Variants in SYNPR observed in about 807,000 individuals in gnomAD.
The protein encoded by SYNPR is synaptoporin.
A neutral mutation model predicts 32.9 loss-of-function variants in SYNPR; 23 were observed. The observed-to-expected ratio is 0.70, with a 90% CI of 0.50 to 0.99. SYNPR has a LOEUF of 0.99. SYNPR is among the 50% of genes least tolerant of loss of function. SYNPR has a pLI of 0.00. For missense variants in SYNPR, 318 were observed against 349.3 expected (o/e 0.91, Z 0.71); for synonymous variants, 146 against 135.9 (o/e 1.07, Z -0.52).
chr3:63,266,717 A>AAAAAAAAC (rs1276996606), intron 2 of SYNPR, among the ~76,000 whole-genome samples: 2 of 140,504 alleles, frequency 1.4e-5, no homozygotes, highest in Non-Finnish European at 3.1e-5. Context: ...CAAAAAAAAA[A>AAAAAAAAC]ACACAAAAAA....
the SYNPR span, among the ~76,000 whole-genome samples, chr3:63,222,755 G>T: frequency 6.6e-6 from 1 of 152,144 alleles, no homozygotes; most frequent in East Asian, 1.9e-4. Flanking sequence ...GATCTCAGTT[G>T]ATCCACCTGC....
intron 2 of SYNPR, among the ~76,000 whole-genome samples, chr3:63,436,248 T>A (rs868301149): frequency 3.3e-5 from 5 of 151,988 alleles, no homozygotes; most frequent in Middle Eastern, 3.4e-3. Flanking sequence ...TTGTTACATA[T>A]GTATGCATGT....
At chr3:63,324,107 T>C (rs2087139008) in intron 2 of SYNPR, among the ~76,000 whole-genome samples, 1 of 152,178 alleles carries the variant, frequency 6.6e-6, no homozygotes, top group Non-Finnish European at 1.5e-5. Flanking sequence ...ATTGTAACTG[T>C]CACTTGTGTC....
intron 2 of SYNPR, among the ~76,000 whole-genome samples, chr3:63,334,905 T>G (rs1382337376): frequency 1.3e-5 from 2 of 152,196 alleles, no homozygotes; most frequent in Non-Finnish European, 2.9e-5. Flanking sequence ...AACCTGATAC[T>G]GGAAGAAGGC....
intron 2 of SYNPR, among the ~76,000 whole-genome samples, chr3:63,445,357 C>T (rs955719965): frequency 2.6e-5 from 4 of 152,164 alleles, no homozygotes; most frequent in African/African-American, 4.8e-5. Context: ...TTTAAAAGGT[C>T]GGGATCCTTA....
rs558299243 is a variant in SYNPR at position 63,538,207 on chromosome 3, T to C, written c.210-18336T>C. Among the ~76,000 whole-genome samples the C allele has an allele frequency of 3.9e-5, 6 of 152,194 alleles. No individual in the cohort carries two copies. In the East Asian group the frequency reaches 1.2e-3, roughly 29 times the overall value. ...ATTTAAGAAGCTGATGGCATCCTACTAGAGATAAGAAACCACTATAAGTAA... is the reference window on the plus strand; with the variant it reads ...ATTTAAGAAGCTGATGGCATCCTACCAGAGATAAGAAACCACTATAAGTAA... On this transcript the variant is annotated intron_variant, in intron 3 of 5. Coordinates refer to ENST00000478300, the MANE Select transcript of SYNPR (RefSeq NM_001130003.2).
At chr3:63,569,883 G>A (rs1702856858) in intron 4 of SYNPR, among the ~76,000 whole-genome samples, 1 of 152,144 alleles carries the variant, frequency 6.6e-6, no homozygotes, top group South Asian at 2.1e-4. Flanking sequence ...AGTTCTGTAT[G>A]TGGCAACCCA....
intron 2 of SYNPR, among the ~76,000 whole-genome samples, chr3:63,329,386 G>A (rs937164013): frequency 1.3e-5 from 2 of 152,102 alleles, no homozygotes; most frequent in African/African-American, 4.8e-5. Context: ...TTTAGTGGTT[G>A]AGCCAGGATT....
intron 2 of SYNPR, among the ~76,000 whole-genome samples, chr3:63,395,135 C>T (rs1270534494): frequency 6.6e-6 from 1 of 152,130 alleles, no homozygotes; most frequent in African/African-American, 2.4e-5. Flanking sequence ...AAAAAACTTA[C>T]CAGTTGCTAG....
At chr3:63,595,157 C>T (rs1048870437) in intron 4 of SYNPR, among the ~76,000 whole-genome samples, 52 of 152,228 alleles carry the variant, frequency 3.4e-4, no homozygotes, top group Admixed American at 2.9e-3. Context: ...TGATAACCAT[C>T]AAAAAGACAA....
In SYNPR at chr3:63,615,371, G is replaced by T; in HGVS notation, c.748G>T (p.Asp250Tyr). ...CTATAATCAAGGTGGTTACAACCAA[G>T]ACAGCTATGGATCAAGCAGTGGGTA... Reference protein sequence around the residue: ...SSYNQGGYNQDSYGSSSGYSQ... With the variant: ...SSYNQGGYNQYSYGSSSGYSQ... Residue 250 changes from aspartate to tyrosine, a missense_variant, in exon 6 of 6, where the codon GAC (aspartate) becomes TAC (tyrosine). By Grantham distance (160) the Asp-to-Tyr change is radical. Transcript: ENST00000478300. 6.2e-7 allele frequency: 1 copy of T among 1,613,922 alleles called. No individual in the cohort carries two copies. Among genetic ancestry groups the T allele is most frequent in the Non-Finnish European group, 8.5e-7 (1 of 1,179,868 alleles).
At chr3:63,482,578 A>C (rs1031134260) in intron 3 of SYNPR, among the ~76,000 whole-genome samples, 4 of 152,132 alleles carry the variant, frequency 2.6e-5, no homozygotes, top group African/African-American at 9.7e-5. Context: ...AACAATTTTA[A>C]AACCACTGTT....
chr3:63,468,491 G>GCACACACACA lies in SYNPR; in HGVS notation c.85-12326_85-12317dup, dbSNP rs10663212. ...GGATTCTATTTAATATACCTGCAAA[G>GCACACACACA]CACACACACACACACACACACACAA... On this transcript the variant is annotated intron_variant, in intron 2 of 5. Transcript: ENST00000478300. Among the ~76,000 whole-genome samples the GCACACACACA allele has an allele frequency of 8.2e-3, 1,220 of 148,646 alleles. 49 individuals carry two copies. The East Asian group carries it at 0.13, about 16-fold the overall frequency.
At chr3:63,256,796 A>G (rs1434906521) in intron 2 of SYNPR, among the ~76,000 whole-genome samples, 1 of 152,208 alleles carries the variant, frequency 6.6e-6, no homozygotes, top group African/African-American at 2.4e-5. Flanking sequence ...GTTCGAACCC[A>G]TGGCAAAGAA....
chr3:63,501,709 T>C (rs187873421), intron 3 of SYNPR, among the ~76,000 whole-genome samples: 3 of 152,256 alleles, frequency 2.0e-5, no homozygotes, highest in Admixed American at 1.3e-4. Flanking sequence ...TTTAAGAATT[T>C]TGAGTTGTAG....
intron 2 of SYNPR, among the ~76,000 whole-genome samples, chr3:63,419,271 C>T (rs1460373265): frequency 1.3e-5 from 2 of 152,206 alleles, no homozygotes; most frequent in Admixed American, 6.5e-5. Flanking sequence ...GACTAGTTGC[C>T]TCCCTGCCCC....
At chr3:63,239,989 T>C (rs963660404) in intron 1 of SYNPR, among the ~76,000 whole-genome samples, 11 of 152,160 alleles carry the variant, frequency 7.2e-5, no homozygotes, top group African/African-American at 2.7e-4. Flanking sequence ...ATCTTACTTA[T>C]CTCTTCTTAT....
At chr3:63,534,368 T>A (rs1227788166) in intron 3 of SYNPR, among the ~76,000 whole-genome samples, 1 of 152,210 alleles carries the variant, frequency 6.6e-6, no homozygotes, top group East Asian at 1.9e-4. Context: ...TGGTTTTGTT[T>A]AGTGAAATTG....
At chr3:63,545,033 A>AC (rs1702375848) in intron 3 of SYNPR, among the ~76,000 whole-genome samples, 1 of 151,684 alleles carries the variant, frequency 6.6e-6, no homozygotes, top group South Asian at 2.1e-4. Flanking sequence ...AGGGGAAAAA[A>AC]AAAAAACATG....
Sources: allele counts gnomAD v4.1 joint callset (sites outside exome capture counted in the v4.1 genomes callset), GRCh38; gene constraint gnomAD v4.1.1; transcripts MANE v1.5; gene names NCBI Gene and HGNC (gene_info 2026-07-23, HGNC 2026-07-21).